FAF1: variants seen among roughly 807,000 people sequenced by gnomAD.
The protein encoded by FAF1 is Fas associated factor 1.
A neutral mutation model predicts 92.5 loss-of-function variants in FAF1; 25 were observed. The observed-to-expected ratio is 0.27, with a 90% CI of 0.20 to 0.38. The LOEUF (loss-of-function observed/expected upper bound fraction) is 0.38. FAF1 is among the 10% of genes least tolerant of loss of function. The pLI, the probability that FAF1 is intolerant of heterozygous loss-of-function variation, is 1.00. For missense variants in FAF1, 636 were observed against 793.3 expected, an observed-to-expected ratio of 0.80 and a Z score of 2.38; for synonymous variants, 234 against 273.2, an observed-to-expected ratio of 0.86 and a Z score of 1.42.
chr1:50,815,772 C>A (rs1643965670), intron 2 of FAF1, among the ~76,000 whole-genome samples: 1 of 151,992 alleles, frequency 6.6e-6, no homozygotes, highest in Non-Finnish European at 1.5e-5. Flanking sequence ...GCCTGTAATC[C>A]CAGCACTTTG....
At chr1:50,625,119 C>T (rs1214652192) in intron 8 of FAF1, among the ~76,000 whole-genome samples, 1 of 152,012 alleles carries the variant, frequency 6.6e-6, no homozygotes, top group Non-Finnish European at 1.5e-5. Context: ...AGGCTGGTCT[C>T]GAACTCCTGA....
At chr1:50,518,458 T>A (rs955352790) in intron 15 of FAF1, among the ~76,000 whole-genome samples, 2 of 151,426 alleles carry the variant, frequency 1.3e-5, no homozygotes, top group African/African-American at 2.4e-5. Flanking sequence ...TTTTTTTTTT[T>A]AAGACTGAGT....
intron 1 of FAF1, among the ~76,000 whole-genome samples, chr1:50,934,129 C>CCAGA (rs1192360700): frequency 3.9e-5 from 6 of 152,214 alleles, no homozygotes; most frequent in African/African-American, 1.4e-4. Flanking sequence ...AGTGGTTGTT[C>CCAGA]TCAGAATTAC....
At chr1:50,713,346 T>G (rs897836330) in intron 6 of FAF1, among the ~76,000 whole-genome samples, 3 of 151,886 alleles carry the variant, frequency 2.0e-5, no homozygotes, top group Non-Finnish European at 2.9e-5. Flanking sequence ...CGATCTAGGT[T>G]CACTGCAACC....
intron 15 of FAF1, among the ~76,000 whole-genome samples, chr1:50,505,057 C>T (rs1417255213): frequency 1.3e-5 from 2 of 152,136 alleles, no homozygotes; most frequent in Non-Finnish European, 2.9e-5. Context: ...TTATAGAAAG[C>T]AAGAATATTT....
intron 7 of FAF1, among the ~76,000 whole-genome samples, chr1:50,703,022 TAA>T (rs200487575): frequency 1.1e-4 from 16 of 150,798 alleles, no homozygotes; most frequent in East Asian, 1.9e-4. Flanking sequence ...AATATATATA[TAA>T]AATACACTAA....
chr1:50,626,682 G>A (rs1039386836), intron 8 of FAF1, among the ~76,000 whole-genome samples: 3 of 152,130 alleles, frequency 2.0e-5, no homozygotes, highest in Non-Finnish European at 2.9e-5. Context: ...GATTTAAGCA[G>A]GGAGATTACT....
At chr1:50,911,626 G>A (rs1644886464) in intron 1 of FAF1, among the ~76,000 whole-genome samples, 1 of 152,006 alleles carries the variant, frequency 6.6e-6, no homozygotes, top group African/African-American at 2.4e-5. Context: ...GAACCCAGCA[G>A]GCAGAGGTTG....
At chr1:50,631,036 C>T (rs1180801220) in intron 8 of FAF1, among the ~76,000 whole-genome samples, 1 of 151,862 alleles carries the variant, frequency 6.6e-6, no homozygotes, top group African/African-American at 2.4e-5. Context: ...GTAATCCACC[C>T]ACCTCGGCCT....
At chr1:50,532,482 C>G (rs1216617777) in intron 15 of FAF1, among the ~76,000 whole-genome samples, 2 of 152,182 alleles carry the variant, frequency 1.3e-5, no homozygotes, top group Non-Finnish European at 2.9e-5. Flanking sequence ...ATCAATGCCT[C>G]TGTTCCAGGA....
At chr1:50,624,796 A>G (rs1340794737) in intron 8 of FAF1, among the ~76,000 whole-genome samples, 2 of 152,154 alleles carry the variant, frequency 1.3e-5, no homozygotes, top group African/African-American at 4.8e-5. Context: ...TCCAACTGTC[A>G]TAAGTAGATG....
At chr1:50,807,194 G>T (rs1406065565) in intron 2 of FAF1, among the ~76,000 whole-genome samples, 1 of 152,226 alleles carries the variant, frequency 6.6e-6, no homozygotes, top group African/African-American at 2.4e-5. Flanking sequence ...TTGTAAGAAA[G>T]AATCTGATAG....
chr1:50,518,720 A>G (rs990239825), intron 15 of FAF1, among the ~76,000 whole-genome samples: 1 of 152,162 alleles, frequency 6.6e-6, no homozygotes, highest in South Asian at 2.1e-4. Context: ...GATTACAGGC[A>G]TGAGCCACTG....
At chr1:50,737,891 A>G (rs944551478) in intron 6 of FAF1, among the ~76,000 whole-genome samples, 7 of 152,216 alleles carry the variant, frequency 4.6e-5, no homozygotes, top group African/African-American at 1.7e-4. Flanking sequence ...TGTATTTAAA[A>G]GAGAAAAATT....
rs555550993 is a variant in FAF1 at position 50,929,671 on chromosome 1, T to C, written c.45+30096A>G. Among the ~76,000 whole-genome samples the C allele has an allele frequency of 5.3e-5, 8 of 152,316 alleles. No homozygotes were observed. In the East Asian group the frequency reaches 7.7e-4, roughly 15 times the overall value. On this transcript the variant is annotated intron_variant, in intron 1 of 18. Coordinates refer to ENST00000396153, the MANE Select transcript of FAF1 (RefSeq NM_007051.3). ...ATAATAAAACTGCCAAAAATATTCA[T>C]TGAATGTCTATCATGTGCCAGGCAT... is the stretch of plus-strand genomic sequence containing the variant.
intron 1 of FAF1, among the ~76,000 whole-genome samples, chr1:50,938,655 C>T (rs1645105948): frequency 6.6e-6 from 1 of 152,160 alleles, no homozygotes; most frequent in Non-Finnish European, 1.5e-5. Flanking sequence ...TTTGCGAAGG[C>T]CAATATCAAG....
chr1:50,736,007 C>A (rs114889462), intron 6 of FAF1, among the ~76,000 whole-genome samples: 1 of 152,114 alleles, frequency 6.6e-6, no homozygotes, highest in South Asian at 2.1e-4. Context: ...GCATAAGCTA[C>A]GGTGCCCGGC....
chr1:50,831,267 C>A (rs1644150285), intron 2 of FAF1, among the ~76,000 whole-genome samples: 3 of 152,160 alleles, frequency 2.0e-5, no homozygotes, highest in Non-Finnish European at 4.4e-5. Context: ...CCTATGACTT[C>A]CTAAGCTACT....
intron 5 of FAF1, among the ~76,000 whole-genome samples, chr1:50,742,581 G>C (rs951526052): frequency 3.3e-5 from 5 of 152,044 alleles, no homozygotes; most frequent in Non-Finnish European, 2.9e-5. Flanking sequence ...ACAGGGTTTT[G>C]TCATGTTGTC....
Sources: allele counts gnomAD v4.1 joint callset (sites outside exome capture counted in the v4.1 genomes callset), GRCh38; gene constraint gnomAD v4.1.1; transcripts MANE v1.5; gene names NCBI Gene and HGNC (gene_info 2026-07-23, HGNC 2026-07-21).